Variants in CIAO2A observed in about 807,000 individuals in gnomAD.
The protein encoded by CIAO2A is MIP18 family protein FAM96A.
CIAO2A carries 17 observed loss-of-function variants against 22.4 expected under a neutral mutation model. The ratio of observed to expected loss-of-function variants is 0.76; its 90% confidence interval spans 0.52 to 1.14. The LOEUF (loss-of-function observed/expected upper bound fraction) is 1.14. CIAO2A is among the 50% of genes most tolerant of loss of function. The probability of loss-of-function intolerance (pLI) is 0.00; values close to 1 mark genes in which losing one functional copy is unlikely to be tolerated. For synonymous variants in CIAO2A, 74 were observed against 72.3 expected (o/e 1.02, Z -0.12); for missense variants, 192 against 191.4 (o/e 1.00, Z -0.02).
chr15:64,085,024 G>A (rs1024940597), intron 2 of CIAO2A, among the ~76,000 whole-genome samples: 2 of 93,750 alleles, frequency 2.1e-5, no homozygotes, highest in African/African-American at 6.4e-5. Flanking sequence ...CCTGGGAGGT[G>A]GAAGCTCCAG....
chr15:64,088,697 C>A lies in CIAO2A; in HGVS notation c.279G>T (p.Ala93=). 6.2e-7 allele frequency: 1 copy of A among 1,608,260 alleles called. No individual in the cohort carries two copies. Among genetic ancestry groups the A allele is most frequent in the Non-Finnish European group, 8.5e-7 (1 of 1,178,386 alleles). Residue 93 remains alanine, a synonymous_variant, in exon 2 of 5, where the codon GCG becomes GCT. Coordinates refer to ENST00000300030, the MANE Select transcript of CIAO2A (RefSeq NM_032231.7). ...FTPTVPHCSL[A]TLIGLCLRVK... is the part of the protein sequence containing the mutation. The stretch of plus-strand genomic sequence containing the variant: ...TACAGAAAAACTTACCAATAAGAGT[C>A]GCCAAAGAGCAATGAGGTACTGTTG...
intron 2 of CIAO2A, among the ~76,000 whole-genome samples, chr15:64,083,858 G>A (rs1478898714): frequency 1.3e-5 from 2 of 151,836 alleles, no homozygotes; most frequent in Admixed American, 6.6e-5. Context: ...CACGAGAATC[G>A]CTTGAACCCA....
At chr15:64,073,884 T>A (rs543273836) in intron 4 of CIAO2A, 3 of 152,292 alleles carry the variant, frequency 2.0e-5, no homozygotes, top group South Asian at 2.1e-4. Flanking sequence ...GTTACAGGTG[T>A]GAACCACCAT....
At position 64,087,911 on chromosome 15, in the gene CIAO2A, C is replaced by CT. The variant is rs2080810568; in HGVS notation, c.289+775dup. ...AATCAAATACAAATGTATGTTTTTG[C>CT]TTTTTTTACACAAATGATAGCAAAA... On this transcript the variant is annotated intron_variant, in intron 2 of 4. Coordinates refer to ENST00000300030, the MANE Select transcript of CIAO2A (RefSeq NM_032231.7). 2.6e-5 allele frequency among the ~76,000 whole-genome samples: 4 copies of CT among 152,020 alleles called. No homozygotes were observed. In the South Asian group the frequency reaches 8.3e-4, roughly 32 times the overall value.
rs1047678041 is a variant in CIAO2A, at chr15:64,091,749, T to C, written c.124+1896A>G. Reference sequence around the variant, plus strand: ...TTTCTAGTTTCTAGATTTGAGAGGTTTGGCTTTACTTCTTTAAAAAGAAAG... The same window carrying C: ...TTTCTAGTTTCTAGATTTGAGAGGTCTGGCTTTACTTCTTTAAAAAGAAAG... On this transcript the variant is annotated intron_variant, in intron 1 of 4. Coordinates refer to ENST00000300030, the MANE Select transcript of CIAO2A (RefSeq NM_032231.7). 2.6e-5 allele frequency among the ~76,000 whole-genome samples: 4 copies of C among 151,812 alleles called. No individual in the cohort carries two copies. In the East Asian group the frequency reaches 5.9e-4, roughly 22 times the overall value.
At chr15:64,074,125 A>G (rs1186049859) in intron 4 of CIAO2A, among the ~76,000 whole-genome samples, 3 of 152,114 alleles carry the variant, frequency 2.0e-5, no homozygotes, top group Non-Finnish European at 4.4e-5. Flanking sequence ...ATGGATCTTC[A>G]TATAATAAAG....
rs2080841112 is a variant in CIAO2A, at chr15:64,091,756, T to C, written c.124+1889A>G. Among the ~76,000 whole-genome samples, 2 of 151,734 alleles carry C rather than the reference T, an allele frequency of 1.3e-5. 1 individual carries two copies. The highest frequency in any genetic ancestry group is 4.2e-4 in the South Asian group (2 of 4,812). On this transcript the variant is annotated intron_variant, in intron 1 of 4. Coordinates refer to ENST00000300030, the MANE Select transcript of CIAO2A (RefSeq NM_032231.7). ...TTTCTAGATTTGAGAGGTTTGGCTT[T>C]ACTTCTTTAAAAAGAAAGAAGGGCC... is the stretch of plus-strand genomic sequence containing the variant.
At chr15:64,093,471 C>T (rs1278374685) in intron 1 of CIAO2A, among the ~76,000 whole-genome samples, 174 bp downstream of exon 1, 1 of 151,984 alleles carries the variant, frequency 6.6e-6, no homozygotes, top group African/African-American at 2.4e-5. Flanking sequence ...TGACTTAGGA[C>T]CCCGAAGAAA....
At chr15:64,090,290 C>T in intron 1 of CIAO2A, 1 of 163,400 alleles carries the variant, frequency 6.1e-6, no homozygotes, top group South Asian at 1.3e-4. Flanking sequence ...TTGCAGTGAG[C>T]CGAGATCCCG....
At chr15:64,093,575 T>C in intron 1 of CIAO2A, 70 bp downstream of exon 1, 1 of 1,500,886 alleles carries the variant, frequency 6.7e-7, no homozygotes. Flanking sequence ...GGTGAGGCCA[T>C]CATCCCCGCA....
At chr15:64,076,816 C>T (rs1475299270) in intron 3 of CIAO2A, among the ~76,000 whole-genome samples, 1 of 150,604 alleles carries the variant, frequency 6.6e-6, no homozygotes, top group East Asian at 2.0e-4. Flanking sequence ...CCTCGACTTC[C>T]TGGGCTCAGG....
intron 2 of CIAO2A, among the ~76,000 whole-genome samples, chr15:64,085,665 C>T (rs1015652327): frequency 2.6e-5 from 4 of 151,988 alleles, no homozygotes; most frequent in Non-Finnish European, 4.4e-5. Context: ...CCGAAGCCCA[C>T]AATACGGTAC....
chr15:64,081,207 T>C (rs766692087), intron 2 of CIAO2A, 56 bp from the exon 3 acceptor site: 9 of 1,542,968 alleles, frequency 5.8e-6, no homozygotes, highest in African/African-American at 1.4e-5. Flanking sequence ...TATTGGTTCT[T>C]GAAAAAGCAT....
Position 64,093,729 on chromosome 15 carries a change from T to C in CIAO2A, c.40A>G (p.Arg14Gly), listed in dbSNP as rs770872832. The C allele has an allele frequency of 4.6e-5, 75 of 1,613,952 alleles. No homozygotes were observed. The highest frequency in any genetic ancestry group is 5.6e-5 in the Non-Finnish European group (66 of 1,179,934). The change falls in exon 1 of 5, where the codon AGA becomes GGA. Residue 14 changes from arginine to glycine, a missense_variant. Arg to Gly is a moderately radical substitution (Grantham distance 125, BLOSUM62 -2). Coordinates refer to ENST00000300030, the MANE Select transcript of CIAO2A (RefSeq NM_032231.7). Reference protein sequence around the residue: ...VSGLLSWTLSRVLWLSGLSEP... With the variant: ...VSGLLSWTLSGVLWLSGLSEP... The stretch of plus-strand genomic sequence containing the variant: ...GAGAGGCCGGAGAGCCACAGGACTC[T>C]GCTCAGCGTCCAGGAGAGCAGCCCG...
intron 3 of CIAO2A, among the ~76,000 whole-genome samples, chr15:64,078,140 T>C (rs530944208): frequency 3.9e-5 from 6 of 152,330 alleles, no homozygotes; most frequent in African/African-American, 1.4e-4. Flanking sequence ...TCTTTCATTA[T>C]TTTCATTTCA....
chr15:64,073,074 T>G (rs777378656), intron 4 of CIAO2A, 46 bp from the exon 5 acceptor site: 1 of 1,306,050 alleles, frequency 7.7e-7, no homozygotes, highest in Admixed American at 1.7e-5. Flanking sequence ...TGTGTCAATA[T>G]ACAGCACCAG....
chr15:64,083,080 TATA>T (rs1282894673), intron 2 of CIAO2A, among the ~76,000 whole-genome samples: 3 of 149,742 alleles, frequency 2.0e-5, no homozygotes, highest in African/African-American at 7.3e-5. Flanking sequence ...TAAAAATATA[TATA>T]ATAATATCAC....
At chr15:64,074,837 A>G (rs2080704774) in intron 4 of CIAO2A, 1 of 151,666 alleles carries the variant, frequency 6.6e-6, no homozygotes, top group Admixed American at 6.6e-5. Context: ...ATTTTTTCCC[A>G]CCTTCTCAAT....
intron 1 of CIAO2A, chr15:64,090,048 AAAAC>A (rs1452705974): frequency 6.6e-6 from 1 of 152,272 alleles, no homozygotes; most frequent in Non-Finnish European, 1.5e-5. Flanking sequence ...AGAATGTTTC[AAAAC>A]AAACAACAAG....
Sources: gnomAD v4.1 joint callset for allele counts (sites outside exome capture counted in the v4.1 genomes callset) on GRCh38, gnomAD v4.1.1 for gene constraint, MANE v1.5 for transcripts, NCBI Gene and HGNC (gene_info 2026-07-23, HGNC 2026-07-21) for gene names.